ARHGAP25: variants seen among roughly 807,000 people sequenced by gnomAD.
ARHGAP25 encodes the protein Rho GTPase activating protein 25.
A neutral mutation model predicts 71.0 loss-of-function variants in ARHGAP25; 34 were observed. That is an observed-to-expected ratio of 0.48 (90% confidence interval 0.36 to 0.64). The LOEUF is 0.64. Ranked by LOEUF, ARHGAP25 falls within the 30% of genes least tolerant of loss-of-function variation. The probability of loss-of-function intolerance (pLI) is 0.00; values close to 1 mark genes in which losing one functional copy is unlikely to be tolerated. For synonymous variants in ARHGAP25, 282 were observed against 296.5 expected, an observed-to-expected ratio of 0.95 and a Z score of 0.50; for missense variants, 706 against 805.1, an observed-to-expected ratio of 0.88 and a Z score of 1.49.
intron 1 of ARHGAP25, among the ~76,000 whole-genome samples, chr2:68,759,630 T>C (rs1035331252): frequency 7.3e-6 from 1 of 136,072 alleles, no homozygotes; most frequent in African/African-American, 2.5e-5. Context: ...AAAGACCTGA[T>C]GTCCTCACCA....
intron 4 of ARHGAP25, among the ~76,000 whole-genome samples, chr2:68,790,337 A>G (rs1679084522): frequency 6.6e-6 from 1 of 152,196 alleles, no homozygotes; most frequent in Non-Finnish European, 1.5e-5. Flanking sequence ...ATGTGAGGGC[A>G]TTTTTAAGAC....
chr2:68,771,546 C>G (rs1677491664), intron 1 of ARHGAP25, among the ~76,000 whole-genome samples: 1 of 152,184 alleles, frequency 6.6e-6, no homozygotes, highest in Non-Finnish European at 1.5e-5. Flanking sequence ...AAACTCAAGG[C>G]CCCCAGACTT....
chr2:68,826,157 T>G lies in ARHGAP25; in HGVS notation c.1904T>G (p.Phe635Cys). ...GCCTTGGAAGAAGAAGTCAAGGAAT[T>G]TGTCAAATCCATGAAGGAACCCAAG... ...NKALEEEVKE[F>C]VKSMKEPKTE... is the part of the protein sequence containing the mutation. Residue 635 changes from phenylalanine to cysteine, a missense_variant, in exon 11 of 11, where the codon TTT becomes TGT. By Grantham distance (205) the Phe-to-Cys change is radical (BLOSUM62 -2). Transcript: ENST00000409202. 6.2e-7 allele frequency: 1 copy of G among 1,614,004 alleles called. No homozygotes were observed.
intron 4 of ARHGAP25, among the ~76,000 whole-genome samples, chr2:68,794,736 G>T (rs577051067): frequency 1.3e-5 from 2 of 151,974 alleles, no homozygotes; most frequent in African/African-American, 4.8e-5. Context: ...TTTCTTTTTT[G>T]TTGTTGTTAT....
rs899799149 is a variant in ARHGAP25 at position 68,819,154 on chromosome 2, G to A, written c.1035G>A (p.Met345Ile). 5 of 1,585,574 alleles carry A rather than the reference G, an allele frequency of 3.2e-6. No individual in the cohort carries two copies. The highest frequency in any genetic ancestry group is 2.2e-5 in the East Asian group (1 of 44,578). ...GTPQIQRVMT[M>I]MIRDHEVLFP... ...CTCAGATCCAAAGAGTGATGACTAT[G>A]ATGATCAGAGACCATGAAGTCCTCT... The change falls in exon 9 of 11, where the codon ATG (methionine) becomes ATA (isoleucine). Residue 345 changes from methionine (M) to isoleucine (I), a missense_variant. Coordinates refer to ENST00000409202, the MANE Select transcript of ARHGAP25 (RefSeq NM_001007231.3).
chr2:68,716,606 A>T (rs1674613571), intron 2 of ARHGAP25, among the ~76,000 whole-genome samples: 1 of 152,228 alleles, frequency 6.6e-6, no homozygotes, highest in Non-Finnish European at 1.5e-5. Flanking sequence ...CTTTGCCTTC[A>T]TAAGTTTGTG....
At chr2:68,796,183 G>A (rs576385391) in intron 4 of ARHGAP25, among the ~76,000 whole-genome samples, 4 of 152,020 alleles carry the variant, frequency 2.6e-5, no homozygotes, top group African/African-American at 9.6e-5. Flanking sequence ...ATTCCTGTTT[G>A]GATTTTTAAA....
At chr2:68,822,931 G>A in intron 10 of ARHGAP25, 59 bp downstream of exon 10, 1 of 1,493,758 alleles carries the variant, frequency 6.7e-7, no homozygotes, top group Non-Finnish European at 9.0e-7. Flanking sequence ...AGACAAGAGG[G>A]ATTGTTCCCA....
chr2:68,754,525 C>CA (rs1558615906), intron 1 of ARHGAP25, among the ~76,000 whole-genome samples: 1 of 152,156 alleles, frequency 6.6e-6, no homozygotes, highest in Admixed American at 6.5e-5. Context: ...TTAGACATTA[C>CA]GAATAAACTG....
In ARHGAP25 at chr2:68,811,143, C is replaced by T. The variant is rs369463514; in HGVS notation, c.675-2144C>T. 1.4e-4 allele frequency among the ~76,000 whole-genome samples: 21 copies of T among 152,150 alleles called. 1 individual carries two copies. In the South Asian group the frequency reaches 4.2e-3, roughly 30 times the overall value. On this transcript the variant is annotated intron_variant, in intron 5 of 10. Transcript: ENST00000409202. ...TGTGTTTTGGTGTTGAGGACTGTGC[C>T]CTAGAGTGGGCAGAGTATAGAATGC...
chr2:68,749,904 A>C (rs1676055833), intron 1 of ARHGAP25, among the ~76,000 whole-genome samples: 1 of 152,238 alleles, frequency 6.6e-6, no homozygotes, highest in African/African-American at 2.4e-5. Flanking sequence ...TTGTTACTTT[A>C]TCATAGTGGT....
chr2:68,803,608 A>C (rs1680163128), intron 4 of ARHGAP25, among the ~76,000 whole-genome samples: 1 of 152,128 alleles, frequency 6.6e-6, no homozygotes, highest in South Asian at 2.1e-4. Context: ...GGGATCTTTC[A>C]ATTGAAAGAG....
At chr2:68,727,049 G>A (rs1211925388) in intron 2 of ARHGAP25, among the ~76,000 whole-genome samples, 1 of 152,016 alleles carries the variant, frequency 6.6e-6, no homozygotes, top group African/African-American at 2.4e-5. Context: ...TTTACGTTTG[G>A]TGTCTCCAAA....
intron 2 of ARHGAP25, among the ~76,000 whole-genome samples, chr2:68,778,589 A>G (rs1678090889): frequency 2.0e-5 from 3 of 152,228 alleles, no homozygotes; most frequent in Admixed American, 2.0e-4. Context: ...TCTTGGAGCC[A>G]TCAGGCGTAA....
chr2:68,807,615 C>G (rs564117231), intron 5 of ARHGAP25, 135 bp downstream of exon 5: 7 of 886,854 alleles, frequency 7.9e-6, no homozygotes, highest in South Asian at 1.7e-5. Flanking sequence ...ACAGAAAGAG[C>G]CTTTGTTTCG....
chr2:68,808,070 T>A (rs911153518), intron 5 of ARHGAP25, among the ~76,000 whole-genome samples: 2 of 152,098 alleles, frequency 1.3e-5, no homozygotes, highest in Non-Finnish European at 2.9e-5. Flanking sequence ...GTTTGGGGCA[T>A]ATCAGGCATA....
At position 68,822,590 on chromosome 2, in the gene ARHGAP25, G is replaced by T. The variant is rs1242275855; in HGVS notation, c.1451G>T (p.Arg484Met). The change falls in exon 10 of 11, where the codon AGG becomes ATG. Residue 484 changes from arginine (R) to methionine (M), a missense_variant. Transcript: ENST00000409202. ...SSEAKAGEGH[R>M]RTMSQDLRQL... ...GAGGCTAAGGCAGGGGAAGGGCACA[G>T]GAGAACGATGTCTCAAGACTTGCGC... The T allele has an allele frequency of 1.9e-6, 3 of 1,614,040 alleles. No homozygotes were observed. The highest frequency in any genetic ancestry group is 2.5e-6 in the Non-Finnish European group (3 of 1,180,036).
chr2:68,744,552 T>G (rs4854505), intron 1 of ARHGAP25, among the ~76,000 whole-genome samples: 119,088 of 152,136 alleles, frequency 0.78, 47,290 homozygotes, highest in Non-Finnish European at 0.84. Flanking sequence ...ATTAGACATA[T>G]GCAGTGTGAC....
chr2:68,710,673 C>T (rs992612080), exon 2 of ARHGAP25: 1 of 152,188 alleles, frequency 6.6e-6, no homozygotes, highest in African/African-American at 2.4e-5. Flanking sequence ...GCTCCATCTC[C>T]CTCCATAAAT....
Sources: allele counts gnomAD v4.1 joint callset (sites outside exome capture counted in the v4.1 genomes callset), GRCh38; gene constraint gnomAD v4.1.1; transcripts MANE v1.5; gene names NCBI Gene and HGNC (gene_info 2026-07-23, HGNC 2026-07-21).